Variants in TTI1 observed in about 807,000 individuals in gnomAD.
The protein encoded by TTI1 is TELO2 interacting protein 1, also known as TELO2-interacting protein 1 homolog.
A neutral mutation model predicts 85.4 loss-of-function variants in TTI1; 52 were observed. The observed-to-expected ratio is 0.61, with a 90% CI of 0.49 to 0.77. TTI1 has a LOEUF of 0.77. Ranked by LOEUF, TTI1 falls within the 30% of genes least tolerant of loss-of-function variation. The pLI, the probability that TTI1 is intolerant of heterozygous loss-of-function variation, is 0.00. For synonymous variants in TTI1, 512 were observed against 503.9 expected, an observed-to-expected ratio of 1.02 and a Z score of -0.22; for missense variants, 1,173 against 1,296.0, an observed-to-expected ratio of 0.91 and a Z score of 1.46.
rs902302251 is a variant in TTI1, at chr20:38,004,287, C to T, written c.2504-1511G>A. Among the ~76,000 whole-genome samples the T allele has an allele frequency of 2.0e-5, 3 of 152,170 alleles. No individual in the cohort carries two copies. In the South Asian group the frequency reaches 6.2e-4, roughly 32 times the overall value. On this transcript the variant is annotated intron_variant, in intron 3 of 7. Coordinates refer to ENST00000373447, the MANE Select transcript of TTI1 (RefSeq NM_001303457.2). ...TACCCTGAAAAATTTTCCTGATCTA[C>T]TTACAGCCCCCAGCCTCATGCCAAC... is the stretch of plus-strand genomic sequence containing the variant.
Position 38,012,799 on chromosome 20 carries a change from C to T in TTI1, c.1018G>A (p.Val340Ile), listed in dbSNP as rs963539054. 1 of 1,614,214 alleles carries T rather than the reference C, an allele frequency of 6.2e-7. No individual in the cohort carries two copies. Among genetic ancestry groups the T allele is most frequent in the Non-Finnish European group, 8.5e-7 (1 of 1,180,042 alleles). ...TGGATTTCAGGACTCTCATCATTTA[C>T]TAGTCCCACTAAGGCCTTCAGAAGG... ...GPLLKALVGL[V>I]NDESPEIQAQ... Residue 340 changes from valine (V) to isoleucine (I), a missense_variant, in exon 2 of 8, where the codon GTA (valine) becomes ATA (isoleucine). Coordinates refer to ENST00000373447, the MANE Select transcript of TTI1 (RefSeq NM_001303457.2).
chr20:37,989,917 A>T (rs1340203363), intron 7 of TTI1, among the ~76,000 whole-genome samples: 2 of 152,396 alleles, frequency 1.3e-5, no homozygotes, highest in African/African-American at 4.8e-5. Context: ...TAGTCACAAC[A>T]GTACCCAGTG....
chr20:38,003,503 A>T (rs2073454153), intron 3 of TTI1, among the ~76,000 whole-genome samples: 1 of 152,316 alleles, frequency 6.6e-6, no homozygotes, highest in South Asian at 2.1e-4. Flanking sequence ...GATAAAAACA[A>T]GATATTTGGG....
chr20:37,994,493 G>A (rs1463541709), intron 7 of TTI1, among the ~76,000 whole-genome samples: 6 of 38,076 alleles, frequency 1.6e-4, no homozygotes, highest in African/African-American at 2.2e-4. Context: ...CTCTCCATGC[G>A]GTAATGAGGC....
chr20:38,006,576 A>C (rs2073503808), intron 2 of TTI1, among the ~76,000 whole-genome samples, 179 bp from the exon 3 acceptor site: 1 of 152,192 alleles, frequency 6.6e-6, no homozygotes, highest in Admixed American at 6.5e-5. Flanking sequence ...CCAATGCGGC[A>C]AGCATTTTCC....
intron 7 of TTI1, among the ~76,000 whole-genome samples, chr20:37,984,641 C>T (rs892002006): frequency 2.0e-5 from 3 of 152,190 alleles, no homozygotes; most frequent in Admixed American, 6.5e-5. Context: ...ATCGCCTGCT[C>T]GGAGGCTGGG....
At chr20:37,993,762 T>C (rs780207025) in intron 7 of TTI1, among the ~76,000 whole-genome samples, 2 of 152,268 alleles carry the variant, frequency 1.3e-5, no homozygotes, top group Non-Finnish European at 2.9e-5. Flanking sequence ...TCACTACCTC[T>C]GGCTTTTCTG....
intron 6 of TTI1, 75 bp from the exon 7 acceptor site, chr20:37,996,537 G>A (rs1267781069): frequency 7.1e-6 from 11 of 1,550,200 alleles, no homozygotes; most frequent in African/African-American, 1.4e-5. Context: ...ACTGTGTCTG[G>A]AGAAACTGCA....
intron 1 of TTI1, among the ~76,000 whole-genome samples, chr20:38,024,710 T>G (rs940056764): frequency 2.0e-5 from 3 of 152,130 alleles, no homozygotes; most frequent in Non-Finnish European, 4.4e-5. Flanking sequence ...TTGGAGAGCC[T>G]AGACTCCCAC....
At chr20:38,023,510 CG>C (rs2073797098) in intron 1 of TTI1, among the ~76,000 whole-genome samples, 1 of 152,166 alleles carries the variant, frequency 6.6e-6, no homozygotes, top group Non-Finnish European at 1.5e-5. Flanking sequence ...AAGAACAAGT[CG>C]TATGATGAAA....
chr20:37,986,926 T>C (rs941158632), intron 7 of TTI1, among the ~76,000 whole-genome samples: 1 of 152,204 alleles, frequency 6.6e-6, no homozygotes, highest in African/African-American at 2.4e-5. Context: ...TCTCAGCCAA[T>C]GATGTTCTAA....
At chr20:37,999,111 A>C in intron 5 of TTI1, 77 bp downstream of exon 5, 1 of 1,310,680 alleles carries the variant, frequency 7.6e-7, no homozygotes, top group Non-Finnish European at 9.8e-7. Context: ...AAGAGAACCA[A>C]TCCAAAAGGC....
intron 3 of TTI1, 40 bp from the exon 4 acceptor site, chr20:38,002,816 G>A (rs1303372568): frequency 3.7e-6 from 6 of 1,600,220 alleles, no homozygotes; most frequent in Non-Finnish European, 5.1e-6. Context: ...TTGTATGAGT[G>A]ATAAAACAGA....
intron 1 of TTI1, among the ~76,000 whole-genome samples, chr20:38,026,211 G>A (rs1462634910): frequency 6.6e-6 from 1 of 152,076 alleles, no homozygotes; most frequent in Non-Finnish European, 1.5e-5. Flanking sequence ...CAAGGCTGGA[G>A]TGCAATGGTG....
rs1163344894 is a variant in TTI1, at chr20:38,010,351, T to C, written c.2302+1164A>G. On this transcript the variant is annotated intron_variant, in intron 2 of 7. Coordinates refer to ENST00000373447, the MANE Select transcript of TTI1 (RefSeq NM_001303457.2). ...AGTACTGAGATAAATACTGGAAATATGCTCTTTAAATAAAAGGGACCCAAG... is the reference window on the plus strand; with the variant it reads ...AGTACTGAGATAAATACTGGAAATACGCTCTTTAAATAAAAGGGACCCAAG... 2.6e-5 allele frequency among the ~76,000 whole-genome samples: 4 copies of C among 152,176 alleles called. No homozygotes were observed. In the East Asian group the frequency reaches 7.7e-4, roughly 29 times the overall value.
intron 7 of TTI1, among the ~76,000 whole-genome samples, chr20:37,988,914 A>G (rs1054370466): frequency 1.3e-5 from 2 of 152,194 alleles, no homozygotes; most frequent in Non-Finnish European, 2.9e-5. Context: ...GTGCATGCTG[A>G]TGCTGCAAAG....
chr20:38,006,429 G>A, intron 2 of TTI1, 32 bp from the exon 3 acceptor site: 1 of 1,611,340 alleles, frequency 6.2e-7, no homozygotes, highest in Non-Finnish European at 8.5e-7. Context: ...GATCACCTTG[G>A]CTATTAACAA....
At chr20:38,015,395 C>T (rs1048485408) in intron 1 of TTI1, among the ~76,000 whole-genome samples, 5 of 152,160 alleles carry the variant, frequency 3.3e-5, no homozygotes, top group Admixed American at 1.3e-4. Context: ...AAATGCCACG[C>T]GTGGCAGCCA....
chr20:38,026,856 T>A (rs1485861742), intron 1 of TTI1, among the ~76,000 whole-genome samples: 1 of 152,216 alleles, frequency 6.6e-6, no homozygotes, highest in South Asian at 2.1e-4. Flanking sequence ...TGGTTCTAAA[T>A]GTATGTAGAG....
Sources: allele counts gnomAD v4.1 joint callset (sites outside exome capture counted in the v4.1 genomes callset), GRCh38; gene constraint gnomAD v4.1.1; transcripts MANE v1.5; gene names NCBI Gene and HGNC (gene_info 2026-07-23, HGNC 2026-07-21).